HDLBP: variants seen among roughly 807,000 people sequenced by gnomAD.
HDLBP encodes vigilin.
In HDLBP, 30 loss-of-function variants were observed where a neutral mutation model predicts 137.3. The observed-to-expected ratio is 0.22, with a 90% CI of 0.16 to 0.30. The LOEUF (loss-of-function observed/expected upper bound fraction) is 0.30. Ranked by LOEUF, HDLBP falls within the 10% of genes least tolerant of loss-of-function variation. The pLI, the probability that HDLBP is intolerant of heterozygous loss-of-function variation, is 1.00. For missense variants in HDLBP, 1,119 were observed against 1,667.3 expected (o/e 0.67, Z 5.73); for synonymous variants, 606 against 596.0 (o/e 1.02, Z -0.24).
At chr2:241,250,177 AG>A (rs2072014250) in intron 11 of HDLBP, 197 bp from the exon 12 acceptor site, 2 of 489,954 alleles carry the variant, frequency 4.1e-6, no homozygotes, top group Admixed American at 7.7e-5. Flanking sequence ...CTGGATCACA[AG>A]GGTTCTGGAG....
At chr2:241,251,290 A>AC (rs1368806819) in intron 11 of HDLBP, among the ~76,000 whole-genome samples, 4 of 152,252 alleles carry the variant, frequency 2.6e-5, no homozygotes, top group Admixed American at 2.6e-4. Flanking sequence ...CAAAACCAAA[A>AC]CAAAACCGTA....
intron 1 of HDLBP, among the ~76,000 whole-genome samples, chr2:241,305,231 T>C (rs553236173): frequency 6.6e-6 from 1 of 152,320 alleles, no homozygotes; most frequent in East Asian, 1.9e-4. Flanking sequence ...TAAAGTTATC[T>C]TCCTGTCTCA....
rs151140223 is a variant in HDLBP, at chr2:241,249,845, C to T, written c.1508G>A (p.Arg503His). ...GGGCCCAGCCATGGCACTTACCATG[C>T]GAGATGCAAGCTCCAGCAGCTCTCG... is the stretch of plus-strand genomic sequence containing the variant. Reference protein sequence around the residue: ...AKRELLELASRMENERTKDLI... With the variant: ...AKRELLELASHMENERTKDLI... The change falls in exon 12 of 28, where the codon CGC becomes CAC. Residue 503 changes from arginine (R) to histidine (H), a missense_variant. By Grantham distance (29) the Arg-to-His change is conservative. Around this residue, in one of 4 missense-constraint regions of HDLBP, gnomAD observed 425 missense variants for 693.9 expected, o/e 0.61. Coordinates refer to ENST00000310931, the MANE Select transcript of HDLBP (RefSeq NM_005336.6). 3 of 1,602,356 alleles carry T rather than the reference C, an allele frequency of 1.9e-6. No homozygotes were observed. The highest frequency in any genetic ancestry group is 1.7e-6 in the Non-Finnish European group (2 of 1,175,468).
rs942110837 is a variant in HDLBP at position 241,235,271 on chromosome 2, G to A, written c.3010-16C>T. 6.2e-7 allele frequency: 1 copy of A among 1,614,058 alleles called. No homozygotes were observed. Among genetic ancestry groups the A allele is most frequent in the Non-Finnish European group, 8.5e-7 (1 of 1,180,006 alleles). On this transcript the variant is annotated splice_polypyrimidine_tract_variant and intron_variant, in intron 22 of 27. Coordinates refer to ENST00000310931, the MANE Select transcript of HDLBP (RefSeq NM_005336.6). ...GTATGTTCACCTACGTGAAGAGGGG[G>A]CTGACTTGACGTTCAGGACCCCAGA...
At chr2:241,261,263 A>C (rs2073151997) in intron 5 of HDLBP, among the ~76,000 whole-genome samples, 1 of 152,150 alleles carries the variant, frequency 6.6e-6, no homozygotes, top group Admixed American at 6.5e-5. Context: ...AGGACTCTAT[A>C]ATCAAATGCA....
At chr2:241,284,707 C>A (rs1212518195) in intron 1 of HDLBP, among the ~76,000 whole-genome samples, 4 of 152,306 alleles carry the variant, frequency 2.6e-5, no homozygotes, top group South Asian at 2.1e-4. Context: ...TCAATCAATG[C>A]AGTAAACTTC....
At chr2:241,284,992 C>T (rs774857597) in intron 1 of HDLBP, among the ~76,000 whole-genome samples, 1 of 152,180 alleles carries the variant, frequency 6.6e-6, no homozygotes, top group Non-Finnish European at 1.5e-5. Flanking sequence ...GTGACTCTCC[C>T]GCCTCAGCCT....
intron 1 of HDLBP, among the ~76,000 whole-genome samples, chr2:241,311,698 C>G (rs1450561233): frequency 1.3e-5 from 2 of 152,140 alleles, no homozygotes; most frequent in Non-Finnish European, 2.9e-5. Context: ...ACAAATAAGA[C>G]TTGTAATAAC....
At chr2:241,311,527 G>A (rs1169075960) in intron 1 of HDLBP, among the ~76,000 whole-genome samples, 1 of 152,178 alleles carries the variant, frequency 6.6e-6, no homozygotes, top group Non-Finnish European at 1.5e-5. Context: ...GCAGATTGGA[G>A]GCGCTGGGAG....
chr2:241,267,610 T>C (rs1187999521), intron 2 of HDLBP: 20 of 1,535,600 alleles, frequency 1.3e-5, no homozygotes, highest in Middle Eastern at 1.7e-4. Flanking sequence ...TCATGACAGT[T>C]GCTACAAAAA....
chr2:241,266,660 A>C (rs1437770090), intron 3 of HDLBP, 134 bp downstream of exon 3: 1 of 671,088 alleles, frequency 1.5e-6, no homozygotes, highest in East Asian at 2.5e-5. Context: ...ACAGTGCACA[A>C]GATGTTGGAC....
chr2:241,308,910 C>T (rs985045133), intron 1 of HDLBP, among the ~76,000 whole-genome samples: 5 of 152,140 alleles, frequency 3.3e-5, no homozygotes, highest in Non-Finnish European at 7.4e-5. Flanking sequence ...TGCTAGGAGC[C>T]CCGGCTTCTT....
intron 7 of HDLBP, 148 bp from the exon 8 acceptor site, chr2:241,255,728 C>T (rs994549016): frequency 1.5e-6 from 1 of 652,468 alleles, no homozygotes. Flanking sequence ...TCAGGACTAG[C>T]CAATCCCCAG....
At chr2:241,253,120 C>A (rs1230511459) in intron 10 of HDLBP, 85 bp from the exon 11 acceptor site, 4 of 900,904 alleles carry the variant, frequency 4.4e-6, no homozygotes, top group Admixed American at 3.8e-5. Flanking sequence ...TCCACGGTTG[C>A]CTTTTCTGAC....
At chr2:241,307,961 T>C (rs1172663029) in intron 1 of HDLBP, among the ~76,000 whole-genome samples, 1 of 151,826 alleles carries the variant, frequency 6.6e-6, no homozygotes, top group African/African-American at 2.4e-5. Flanking sequence ...ATAAATTGAA[T>C]TGGAAATGGA....
intron 1 of HDLBP, among the ~76,000 whole-genome samples, chr2:241,309,179 C>T (rs1220329545): frequency 6.6e-6 from 1 of 152,198 alleles, no homozygotes; most frequent in Non-Finnish European, 1.5e-5. Flanking sequence ...CCACTCCCCT[C>T]GATACTTTAT....
At chr2:241,234,668 A>G (rs776549191) in intron 23 of HDLBP, among the ~76,000 whole-genome samples, 2 of 152,178 alleles carry the variant, frequency 1.3e-5, no homozygotes, top group African/African-American at 4.8e-5. Context: ...CTCCGCTCAT[A>G]CAATCCTTCA....
chr2:241,262,243 C>A (rs1476533980), intron 5 of HDLBP, among the ~76,000 whole-genome samples: 1 of 152,220 alleles, frequency 6.6e-6, no homozygotes, highest in African/African-American at 2.4e-5. Flanking sequence ...CTTTACCATT[C>A]AGCAAGCCCA....
chr2:241,257,591 C>T (rs1283284839), intron 5 of HDLBP, among the ~76,000 whole-genome samples: 1 of 152,186 alleles, frequency 6.6e-6, no homozygotes, highest in Non-Finnish European at 1.5e-5. Flanking sequence ...AATAGCAAGA[C>T]ACAAGCCCAA....
Sources: gnomAD v4.1 joint callset for allele counts (sites outside exome capture counted in the v4.1 genomes callset) on GRCh38, gnomAD v4.1.1 for gene constraint, gnomAD v4.1.1 regional missense constraint, MANE v1.5 for transcripts, NCBI Gene and HGNC (gene_info 2026-07-23, HGNC 2026-07-21) for gene names.